TXNDC12: variants seen among roughly 807,000 people sequenced by gnomAD.
TXNDC12 encodes the protein thioredoxin domain containing 12, also known as thioredoxin domain-containing protein 12.
Under a neutral mutation model 24.2 loss-of-function variants are expected in TXNDC12, and 22 were observed. That is an observed-to-expected ratio of 0.91 (90% CI 0.65 to 1.30). The LOEUF (loss-of-function observed/expected upper bound fraction) is 1.30, where lower values mean the gene tolerates loss of function less well. Ranked by LOEUF, TXNDC12 falls within the 50% of genes most tolerant of loss-of-function variation. TXNDC12 has a pLI of 0.00. For synonymous variants in TXNDC12, 58 were observed against 73.4 expected (o/e 0.79, Z 1.07); for missense variants, 184 against 205.8 (o/e 0.89, Z 0.65).
chr1:52,055,120 G>A lies in TXNDC12; in HGVS notation c.-24C>T. 6.3e-7 allele frequency: 1 copy of A among 1,579,314 alleles called. No homozygotes were observed. The highest frequency in any genetic ancestry group is 8.7e-7 in the Non-Finnish European group (1 of 1,148,768). Reference sequence around the variant, plus strand: ...ATGGCAGTAGGTGCGCGGGGCCACGGGGCTGAGCGGACGCAGGGCCGGAGT... The same window carrying A: ...ATGGCAGTAGGTGCGCGGGGCCACGAGGCTGAGCGGACGCAGGGCCGGAGT... On this transcript the variant is annotated 5_prime_UTR_variant, in exon 1 of 7. Transcript: ENST00000371626.
At chr1:52,028,324 TGTA>T (rs1386185038) in intron 3 of TXNDC12, among the ~76,000 whole-genome samples, 1 of 152,172 alleles carries the variant, frequency 6.6e-6, no homozygotes, top group Non-Finnish European at 1.5e-5. Flanking sequence ...TCCTCTAACA[TGTA>T]TTGTTCATTT....
intron 2 of TXNDC12, among the ~76,000 whole-genome samples, chr1:52,037,647 T>C (rs578247350): frequency 7.2e-5 from 11 of 152,350 alleles, no homozygotes; most frequent in African/African-American, 2.2e-4. Context: ...GGACAAAGCA[T>C]TGATGGAACC....
intron 1 of TXNDC12, among the ~76,000 whole-genome samples, chr1:52,043,471 A>G (rs1686033152): frequency 6.6e-6 from 1 of 152,182 alleles, no homozygotes; most frequent in South Asian, 2.1e-4. Context: ...TGACCACCTT[A>G]TATGTGCCTG....
chr1:52,046,960 T>C (rs1252552346), intron 1 of TXNDC12, among the ~76,000 whole-genome samples: 2 of 150,970 alleles, frequency 1.3e-5, no homozygotes, highest in Non-Finnish European at 2.9e-5. Flanking sequence ...TGAGAATTGC[T>C]TGAACTTGGG....
rs749652919 is a variant in TXNDC12 at position 52,033,796 on chromosome 1, G to A, written c.159-5166C>T. 1.6e-5 allele frequency: 25 copies of A among 1,529,944 alleles called. No homozygotes were observed. In the East Asian group the frequency reaches 5.8e-4, roughly 36 times the overall value. 94.8% of individuals were successfully genotyped at this position (1,529,944 alleles called of 1,614,324 possible). On this transcript the variant is annotated intron_variant, in intron 2 of 6. Transcript: ENST00000371626. ...GAGCGACCATTGGCAACCGCGCTGC[G>A]CCAACTTCCGGGTTGTACGCGTCTC...
At chr1:52,043,845 T>G (rs1452346277) in intron 1 of TXNDC12, 6 of 152,182 alleles carry the variant, frequency 3.9e-5, no homozygotes, top group Middle Eastern at 3.2e-3. Flanking sequence ...CAGAAATAAA[T>G]TCAAATCTAA....
chr1:52,052,280 C>G (rs1686221091), intron 1 of TXNDC12: 1 of 156,580 alleles, frequency 6.4e-6, no homozygotes, highest in Admixed American at 6.5e-5. Flanking sequence ...TGAGCATGAA[C>G]AAGACAGAAA....
At chr1:52,033,163 GA>G (rs1685805304) in intron 2 of TXNDC12, 1 of 1,614,128 alleles carries the variant, frequency 6.2e-7, no homozygotes, top group Non-Finnish European at 8.5e-7. Context: ...AAAGGCACCG[GA>G]CCCATGCTTT....
At chr1:52,027,745 A>T (rs1436158326) in intron 3 of TXNDC12, among the ~76,000 whole-genome samples, 2 of 149,188 alleles carry the variant, frequency 1.3e-5, no homozygotes, top group Non-Finnish European at 1.5e-5. Context: ...TATGTTATAT[A>T]TACATATATA....
At chr1:52,046,869 AT>A (rs1193446867) in intron 1 of TXNDC12, among the ~76,000 whole-genome samples, 1,919 of 17,562 alleles carry the variant, frequency 0.11, 34 homozygotes, top group African/African-American at 0.17. Flanking sequence ...AAAAAAAAAT[AT>A]ATATATATAT....
chr1:52,046,800 G>A (rs1431560839), intron 1 of TXNDC12, among the ~76,000 whole-genome samples: 5 of 149,574 alleles, frequency 3.3e-5, no homozygotes, highest in East Asian at 2.0e-4. Flanking sequence ...GGCGGATCAC[G>A]AGGTCAAGAG....
rs367717662 is a variant in TXNDC12 at position 52,048,947 on chromosome 1, A to T, written c.97+6053T>A. Among the ~76,000 whole-genome samples the T allele has an allele frequency of 5.9e-5, 9 of 152,294 alleles. No homozygotes were observed. In the East Asian group the frequency reaches 1.5e-3, roughly 26 times the overall value. On this transcript the variant is annotated intron_variant, in intron 1 of 6. Transcript: ENST00000371626. ...AGGTGTCAAACCTTACAATCACGTA[A>T]GGTTATTACTAATAGAGACCTAGAA... is the stretch of plus-strand genomic sequence containing the variant.
intron 1 of TXNDC12, among the ~76,000 whole-genome samples, chr1:52,048,725 C>T (rs745779763): frequency 2.6e-5 from 4 of 151,958 alleles, no homozygotes; most frequent in African/African-American, 9.7e-5. Context: ...GGTGTGGTGG[C>T]GCACACCTAT....
rs567633158 is a variant in TXNDC12 at position 52,021,513 on chromosome 1, G to A, written c.440-501C>T. Among the ~76,000 whole-genome samples the A allele has an allele frequency of 4.9e-5, 7 of 142,338 alleles. No individual in the cohort carries two copies. In the East Asian group the frequency reaches 8.2e-4, roughly 17 times the overall value. 93.4% of individuals were successfully genotyped at this position (142,338 alleles called of 152,430 possible). On this transcript the variant is annotated intron_variant, in intron 6 of 6. Coordinates refer to ENST00000371626, the MANE Select transcript of TXNDC12 (RefSeq NM_015913.4). ...GGGGGTGTCTCTACTGAAGGGGGTC[G>A]TCATTTCCAGTATCAACTATACATG...
Position 52,023,508 on chromosome 1 carries a change from T to A in TXNDC12, c.422A>T (p.Tyr141Phe). ...ENGNPSYKYF[Y>F]VSAEQVVQGM... ...AACTATACCTTGCTCGGCACTGACA[T>A]AAAAATACTTGTAGCTGGGGTTTCC... The change falls in exon 6 of 7, where the codon TAT becomes TTT. Residue 141 changes from tyrosine (Y) to phenylalanine (F), a missense_variant. Physicochemically the swap from Tyr to Phe is conservative, Grantham distance 22. Coordinates refer to ENST00000371626, the MANE Select transcript of TXNDC12 (RefSeq NM_015913.4). 5.0e-6 allele frequency: 8 copies of A among 1,614,040 alleles called. No individual in the cohort carries two copies. Among genetic ancestry groups the A allele is most frequent in the Non-Finnish European group, 6.8e-6 (8 of 1,179,890 alleles).
intron 1 of TXNDC12, among the ~76,000 whole-genome samples, chr1:52,049,002 G>A (rs1285979772): frequency 6.6e-6 from 1 of 152,134 alleles, no homozygotes; most frequent in Non-Finnish European, 1.5e-5. Flanking sequence ...TTACTGCAAT[G>A]AGCTGTTCAA....
Position 52,020,960 on chromosome 1 carries a change from T to C in TXNDC12, c.492A>G (p.Arg164=), listed in dbSNP as rs774628090. The change falls in exon 7 of 7, where the codon AGA becomes AGG. Residue 164 remains arginine, a synonymous_variant. Coordinates refer to ENST00000371626, the MANE Select transcript of TXNDC12 (RefSeq NM_015913.4). The part of the protein sequence containing the change: ...AQERLTGDAF[R]KKHLEDEL ...ACAATTCATCTTCAAGATGTTTCTT[T>C]CTGAAGGCATCACCCGTCAGCCTTT... 2 of 1,613,988 alleles carry C rather than the reference T, an allele frequency of 1.2e-6. No homozygotes were observed. Among genetic ancestry groups the C allele is most frequent in the Admixed American group, 1.7e-5 (1 of 59,998 alleles).
intron 2 of TXNDC12, chr1:52,030,441 A>T (rs1055096574): frequency 1.1e-4 from 16 of 152,240 alleles, no homozygotes; most frequent in African/African-American, 3.9e-4. Flanking sequence ...TTAGAATGGT[A>T]ATCCAGAATC....
chr1:52,035,466 T>C (rs551519293), intron 2 of TXNDC12, among the ~76,000 whole-genome samples: 13 of 152,098 alleles, frequency 8.5e-5, no homozygotes, highest in Non-Finnish European at 1.9e-4. Context: ...TCCCAGCACT[T>C]TGGGAGGCAG....
Sources: allele counts gnomAD v4.1 joint callset (sites outside exome capture counted in the v4.1 genomes callset), GRCh38; gene constraint gnomAD v4.1.1; transcripts MANE v1.5; gene names NCBI Gene and HGNC (gene_info 2026-07-23, HGNC 2026-07-21).